Variants in CNBD1 observed in about 807,000 individuals in gnomAD.
CNBD1 encodes cyclic nucleotide-binding domain-containing protein 1.
CNBD1 carries 71 observed loss-of-function variants against 54.4 expected under a neutral mutation model. That is an observed-to-expected ratio of 1.30 (90% CI 1.08 to 1.59). CNBD1 has a LOEUF of 1.59. CNBD1 is among the 40% of genes most tolerant of loss of function. The pLI is 0.00. For synonymous variants in CNBD1, 182 were observed against 170.7 expected, an observed-to-expected ratio of 1.07 and a Z score of -0.51; for missense variants, 659 against 518.0, an observed-to-expected ratio of 1.27 and a Z score of -2.64.
In CNBD1 at chr8:86,943,027, T is replaced by C. The variant is rs571341372; in HGVS notation, c.431+3273T>C. Among the ~76,000 whole-genome samples the C allele has an allele frequency of 2.0e-3, 297 of 152,136 alleles. 1 individual carries two copies. The highest frequency in any genetic ancestry group is 6.8e-3 in the African/African-American group (282 of 41,480). ...TGTTACCTTCTATACTTTAAAACTT[T>C]TCACTTTGTCACCCTGACTAAAATT... On this transcript the variant is annotated intron_variant, in intron 4 of 10. Transcript: ENST00000518476.
intron 3 of CNBD1, among the ~76,000 whole-genome samples, chr8:86,908,584 C>A (rs1361215581): frequency 3.9e-5 from 6 of 152,016 alleles, no homozygotes; most frequent in Admixed American, 3.3e-4. Context: ...CTATAAATGG[C>A]AATGATGTTT....
chr8:87,230,235 A>G (rs745679615), intron 5 of CNBD1, among the ~76,000 whole-genome samples: 1 of 152,178 alleles, frequency 6.6e-6, no homozygotes. Context: ...CACACCCATG[A>G]TCCAATCACC....
At chr8:86,979,930 G>T (rs1033299623) in intron 4 of CNBD1, among the ~76,000 whole-genome samples, 3 of 152,152 alleles carry the variant, frequency 2.0e-5, no homozygotes, top group African/African-American at 7.2e-5. Context: ...AAATATTTTA[G>T]ATTGAATTAC....
At chr8:86,962,900 G>A (rs2130473731) in intron 4 of CNBD1, among the ~76,000 whole-genome samples, 1 of 152,272 alleles carries the variant, frequency 6.6e-6, no homozygotes, top group Middle Eastern at 3.4e-3. Flanking sequence ...GAGACATGGA[G>A]TGCTTTGACC....
At chr8:87,332,727 A>T (rs781038582) in intron 8 of CNBD1, among the ~76,000 whole-genome samples, 1 of 152,108 alleles carries the variant, frequency 6.6e-6, no homozygotes, top group East Asian at 1.9e-4. Flanking sequence ...ATTATGTTTC[A>T]TTGGTCTGTA....
At chr8:87,004,429 T>C (rs1468847852) in intron 4 of CNBD1, among the ~76,000 whole-genome samples, 2 of 152,222 alleles carry the variant, frequency 1.3e-5, no homozygotes, top group Non-Finnish European at 2.9e-5. Flanking sequence ...AACGTGTAAC[T>C]TATTTGTAAA....
chr8:87,373,130 A>T (rs1177254041), intron 10 of CNBD1, among the ~76,000 whole-genome samples: 1 of 151,770 alleles, frequency 6.6e-6, no homozygotes, highest in African/African-American at 2.4e-5. Context: ...CATATTTTTA[A>T]ATTGGAAGTT....
Position 87,418,104 on chromosome 8 carries a change from GA to G in CNBD1, c.214-10437del, listed in dbSNP as rs77647523. On this transcript the variant is annotated intron_variant, in intron 2 of 7. Coordinates refer to the CNBD1 transcript ENST00000521593. ...AGGACCCAGAACAGTCAACCATCTT[GA>G]AAAAGAATATGACACAAAGAGCACG... Among the ~76,000 whole-genome samples, 7 of 151,972 alleles carry G rather than the reference GA, an allele frequency of 4.6e-5. No individual in the cohort carries two copies. In the East Asian group the frequency reaches 5.8e-4, roughly 13 times the overall value.
intron 6 of CNBD1, among the ~76,000 whole-genome samples, chr8:87,283,803 C>T (rs967893554): frequency 2.0e-5 from 3 of 152,076 alleles, no homozygotes; most frequent in Non-Finnish European, 4.4e-5. Context: ...TCTCCTGTTC[C>T]TACATGTACA....
At chr8:87,204,972 T>G (rs1240361416) in intron 4 of CNBD1, among the ~76,000 whole-genome samples, 2 of 151,636 alleles carry the variant, frequency 1.3e-5, no homozygotes, top group African/African-American at 4.9e-5. Flanking sequence ...TTTTTTTTTT[T>G]GCTACAACCC....
At chr8:87,234,904 T>C (rs1807542315) in intron 5 of CNBD1, among the ~76,000 whole-genome samples, 1 of 152,228 alleles carries the variant, frequency 6.6e-6, no homozygotes, top group African/African-American at 2.4e-5. Context: ...TGCTGTTTCA[T>C]CTACATTGAA....
At chr8:87,116,195 C>CTTTTTTTTTTTTTTTTTT (rs71556428) in intron 4 of CNBD1, among the ~76,000 whole-genome samples, 1 of 74,528 alleles carries the variant, frequency 1.3e-5, no homozygotes, top group Non-Finnish European at 2.4e-5. Flanking sequence ...ATTCTCATGT[C>CTTTTTTTTTTTTTTTTTT]TTTTTTTTTT....
At chr8:86,875,959 G>A (rs915971241) in intron 1 of CNBD1, among the ~76,000 whole-genome samples, 13 of 151,898 alleles carry the variant, frequency 8.6e-5, no homozygotes, top group South Asian at 4.2e-4. Context: ...CTATACCCTC[G>A]TATATATTTT....
intron 4 of CNBD1, among the ~76,000 whole-genome samples, chr8:87,080,096 C>T (rs1810958402): frequency 6.6e-6 from 1 of 152,152 alleles, no homozygotes; most frequent in Non-Finnish European, 1.5e-5. Flanking sequence ...TTCTCGTCAT[C>T]CTTGTCAAAA....
intron 6 of CNBD1, among the ~76,000 whole-genome samples, chr8:87,274,101 C>G (rs1808426621): frequency 1.3e-5 from 2 of 152,012 alleles, no homozygotes; most frequent in Admixed American, 1.3e-4. Context: ...GACATGAGCT[C>G]ATCATTTTTT....
At chr8:87,024,455 C>A (rs1809583177) in intron 4 of CNBD1, among the ~76,000 whole-genome samples, 1 of 151,614 alleles carries the variant, frequency 6.6e-6, no homozygotes, top group Non-Finnish European at 1.5e-5. Context: ...ATTCTCATGC[C>A]TCAGCCTCCC....
intron 10 of CNBD1, among the ~76,000 whole-genome samples, chr8:87,356,853 C>T (rs1369328750): frequency 6.6e-6 from 1 of 152,088 alleles, no homozygotes; most frequent in East Asian, 1.9e-4. Flanking sequence ...TTGAAGACAG[C>T]TCCTCCCATC....
intron 4 of CNBD1, among the ~76,000 whole-genome samples, chr8:87,017,177 A>T (rs1017354918): frequency 6.6e-6 from 1 of 152,216 alleles, no homozygotes; most frequent in African/African-American, 2.4e-5. Context: ...GAGCACAAAA[A>T]CATACAGGTT....
chr8:87,318,733 A>G (rs561248494), intron 8 of CNBD1, among the ~76,000 whole-genome samples: 25 of 152,220 alleles, frequency 1.6e-4, no homozygotes, highest in African/African-American at 5.5e-4. Flanking sequence ...GATAATTGCA[A>G]TAAATATAGA....
Sources: gnomAD v4.1 joint callset for allele counts (sites outside exome capture counted in the v4.1 genomes callset) on GRCh38, gnomAD v4.1.1 for gene constraint, MANE v1.5 for transcripts, NCBI Gene and HGNC (gene_info 2026-07-23, HGNC 2026-07-21) for gene names.